Variants in ADAM23 observed in about 807,000 individuals in gnomAD.
ADAM23 encodes disintegrin and metalloproteinase domain-containing protein 23.
A neutral mutation model predicts 120.1 loss-of-function variants in ADAM23; 33 were observed. That is an observed-to-expected ratio of 0.27 (90% CI 0.21 to 0.37). ADAM23 has a LOEUF of 0.37. Ranked by LOEUF, ADAM23 falls within the 10% of genes least tolerant of loss-of-function variation. The probability of loss-of-function intolerance (pLI) is 1.00; values close to 1 mark genes in which losing one functional copy is unlikely to be tolerated. For synonymous variants in ADAM23, 367 were observed against 375.2 expected, an observed-to-expected ratio of 0.98 and a Z score of 0.25; for missense variants, 862 against 1,058.2, an observed-to-expected ratio of 0.81 and a Z score of 2.57.
intron 2 of ADAM23, among the ~76,000 whole-genome samples, chr2:206,447,268 T>C (rs1695100754): frequency 6.6e-6 from 1 of 152,232 alleles, no homozygotes; most frequent in African/African-American, 2.4e-5. Context: ...GTTTCTTTTA[T>C]ACTGTACTTT....
chr2:206,488,677 G>A (rs1574493407), intron 3 of ADAM23, among the ~76,000 whole-genome samples: 1 of 152,306 alleles, frequency 6.6e-6, no homozygotes, highest in African/African-American at 2.4e-5. Flanking sequence ...CTCCTCCTGG[G>A]TAGAGTACAA....
intron 3 of ADAM23, among the ~76,000 whole-genome samples, chr2:206,530,651 G>T (rs1224283275): frequency 3.4e-5 from 5 of 147,076 alleles, no homozygotes; most frequent in African/African-American, 1.2e-4. Flanking sequence ...GTTCACCGTT[G>T]GATTGTCTGT....
At chr2:206,514,325 A>G (rs973951497) in intron 3 of ADAM23, among the ~76,000 whole-genome samples, 1 of 152,206 alleles carries the variant, frequency 6.6e-6, no homozygotes, top group Non-Finnish European at 1.5e-5. Flanking sequence ...AAACATTTAC[A>G]GGAGTTTGGA....
chr2:206,611,893 C>A (rs1431870520), intron 25 of ADAM23, among the ~76,000 whole-genome samples: 1 of 152,172 alleles, frequency 6.6e-6, no homozygotes, highest in Non-Finnish European at 1.5e-5. Flanking sequence ...GGGATCAGCA[C>A]TTAGTGAGAT....
chr2:206,567,522 A>C (rs910348874), intron 15 of ADAM23, among the ~76,000 whole-genome samples, 200 bp downstream of exon 15: 1 of 152,208 alleles, frequency 6.6e-6, no homozygotes, highest in Non-Finnish European at 1.5e-5. Context: ...CAGCATTCTC[A>C]GTCTCTGGTG....
At chr2:206,464,653 C>G (rs1255899378) in intron 2 of ADAM23, among the ~76,000 whole-genome samples, 1 of 152,062 alleles carries the variant, frequency 6.6e-6, no homozygotes, top group East Asian at 1.9e-4. Flanking sequence ...GGAAGCTATA[C>G]ATACATCTTC....
chr2:206,534,099 C>T (rs1697126438), intron 4 of ADAM23, among the ~76,000 whole-genome samples: 1 of 152,134 alleles, frequency 6.6e-6, no homozygotes, highest in South Asian at 2.1e-4. Flanking sequence ...GTGCATCCAT[C>T]AACATAATCT....
At chr2:206,521,576 A>G (rs1401026991) in intron 3 of ADAM23, among the ~76,000 whole-genome samples, 1 of 152,156 alleles carries the variant, frequency 6.6e-6, no homozygotes, top group Non-Finnish European at 1.5e-5. Flanking sequence ...ACAGTAGCTC[A>G]CTGCTACATT....
intron 18 of ADAM23, among the ~76,000 whole-genome samples, chr2:206,576,385 T>C (rs1057408677): frequency 2.0e-5 from 3 of 152,134 alleles, no homozygotes; most frequent in African/African-American, 7.2e-5. Context: ...GAGAACTCTT[T>C]GTTTAACCTA....
chr2:206,594,668 A>T (rs1312018423), intron 22 of ADAM23, 69 bp from the exon 23 acceptor site: 1 of 1,575,870 alleles, frequency 6.3e-7, no homozygotes, highest in Non-Finnish European at 8.7e-7. Context: ...TGTGAAGAGC[A>T]AGCCTCATTC....
intron 2 of ADAM23, among the ~76,000 whole-genome samples, chr2:206,477,901 T>TATATACAC (rs1553548693): frequency 4.1e-5 from 5 of 122,230 alleles, no homozygotes; most frequent in East Asian, 4.7e-4. Flanking sequence ...AAAAAAAATA[T>TATATACAC]ATATATATAT....
intron 9 of ADAM23, among the ~76,000 whole-genome samples, chr2:206,551,524 A>C (rs1427792083): frequency 1.3e-5 from 2 of 152,222 alleles, no homozygotes; most frequent in Non-Finnish European, 2.9e-5. Context: ...TTGGTGACAA[A>C]CTTATGAAAG....
At chr2:206,604,707 G>T (rs372654267) in intron 24 of ADAM23, among the ~76,000 whole-genome samples, 1 of 152,142 alleles carries the variant, frequency 6.6e-6, no homozygotes, top group East Asian at 1.9e-4. Context: ...CTTCCTCTGG[G>T]AAAATATTTA....
chr2:206,567,428 T>C (rs946481651), intron 15 of ADAM23, 106 bp downstream of exon 15: 1 of 802,750 alleles, frequency 1.2e-6, no homozygotes, highest in Non-Finnish European at 1.9e-6. Flanking sequence ...AGGTTTCTTG[T>C]CAATCAGATT....
intron 9 of ADAM23, among the ~76,000 whole-genome samples, chr2:206,553,223 A>G (rs932123819): frequency 1.3e-5 from 2 of 152,112 alleles, no homozygotes; most frequent in Admixed American, 1.3e-4. Flanking sequence ...ACTAAAATAT[A>G]AATATATATA....
Position 206,443,713 on chromosome 2 carries a change from CGAGCCCCGCGCCCCGTGCCCCGAGCCCG to C in ADAM23, c.-146_-119del. On this transcript the variant is annotated 5_prime_UTR_variant, in exon 1 of 26. Coordinates refer to ENST00000264377, the MANE Select transcript of ADAM23 (RefSeq NM_003812.4). ...CGGGAAAGGGGGCGCCGCCCAGCCC[CGAGCCCCGCGCCCCGTGCCCCGAGCCCG>C]GAGCCCCCTGCCCGCCGCGGCACCA... 1 of 211,280 alleles carries C rather than the reference CGAGCCCCGCGCCCCGTGCCCCGAGCCCG, an allele frequency of 4.7e-6. No individual in the cohort carries two copies. Among genetic ancestry groups the C allele is most frequent in the Non-Finnish European group, 8.1e-6 (1 of 123,932 alleles). The allele number at this position is 211,280 out of a possible 1,614,324, so 13.1% of individuals were successfully genotyped here. A position where few individuals can be genotyped will look rare whatever the true frequency, so the allele number is the denominator to read the frequency against.
chr2:206,460,400 T>A (rs1032236392), intron 2 of ADAM23, among the ~76,000 whole-genome samples: 2 of 152,218 alleles, frequency 1.3e-5, no homozygotes, highest in African/African-American at 4.8e-5. Flanking sequence ...TTTCTGTTAT[T>A]TATTTTTTAA....
intron 14 of ADAM23, among the ~76,000 whole-genome samples, chr2:206,566,983 T>G (rs559807647): frequency 6.6e-6 from 1 of 152,322 alleles, no homozygotes; most frequent in South Asian, 2.1e-4. Flanking sequence ...ACAAAAGGGC[T>G]TGACTGCTGA....
At chr2:206,557,246 T>C (rs1367485905) in intron 9 of ADAM23, among the ~76,000 whole-genome samples, 181 bp from the exon 10 acceptor site, 1 of 152,208 alleles carries the variant, frequency 6.6e-6, no homozygotes, top group African/African-American at 2.4e-5. Flanking sequence ...ATGTTTTAGA[T>C]AGTCAGAGTT....
Sources: allele counts gnomAD v4.1 joint callset (sites outside exome capture counted in the v4.1 genomes callset), GRCh38; gene constraint gnomAD v4.1.1; transcripts MANE v1.5; gene names NCBI Gene and HGNC (gene_info 2026-07-23, HGNC 2026-07-21).